Variants in AVEN observed in about 807,000 individuals in gnomAD.
AVEN encodes the protein cell death regulator Aven.
In AVEN, 41 loss-of-function variants were observed where a neutral mutation model predicts 38.1. That is an observed-to-expected ratio of 1.08 (90% CI 0.84 to 1.40). The LOEUF is 1.40. Ranked by LOEUF, AVEN falls within the 40% of genes most tolerant of loss-of-function variation. The pLI is 0.00. For missense variants in AVEN, 605 were observed against 438.8 expected (o/e 1.38, Z -3.38); for synonymous variants, 206 against 171.8 (o/e 1.20, Z -1.56).
At chr15:33,900,308 A>AT (rs59027472) in intron 2 of AVEN, among the ~76,000 whole-genome samples, 5,141 of 147,700 alleles carry the variant, frequency 0.035, 230 homozygotes, top group South Asian at 0.13. Context: ...TTGGGAGAAC[A>AT]TTTTTTTTTT....
chr15:34,053,934 C>CA (rs1247033233), intron 5 of AVEN, among the ~76,000 whole-genome samples: 1 of 152,008 alleles, frequency 6.6e-6, no homozygotes, highest in African/African-American at 2.4e-5. Flanking sequence ...ATCCATCTGA[C>CA]AAAGGGCTAA....
chr15:33,866,338 C>T lies in AVEN; in HGVS notation c.*275G>A, dbSNP rs778688554. 1 of 481,986 alleles carries T rather than the reference C, an allele frequency of 2.1e-6. No individual in the cohort carries two copies. Among genetic ancestry groups the T allele is most frequent in the Non-Finnish European group, 3.7e-6 (1 of 271,036 alleles). 29.9% of individuals were successfully genotyped at this position (481,986 alleles called of 1,614,324 possible). On this transcript the variant is annotated 3_prime_UTR_variant, in exon 6 of 6. Coordinates refer to ENST00000306730, the MANE Select transcript of AVEN (RefSeq NM_020371.3). Reference sequence around the variant, plus strand: ...GTAAACACTGGCTATGTTGTAAACACTGCAAGGAAGGAGGCTAGAAACAAG... The same window carrying T: ...GTAAACACTGGCTATGTTGTAAACATTGCAAGGAAGGAGGCTAGAAACAAG...
chr15:34,010,615 C>T (rs1024505132), intron 1 of AVEN, among the ~76,000 whole-genome samples: 3 of 152,062 alleles, frequency 2.0e-5, no homozygotes, highest in African/African-American at 7.2e-5. Context: ...CTATGTTCCT[C>T]ACAAAAGGTA....
At chr15:33,863,589 C>G (rs552402429), downstream of AVEN, among the ~76,000 whole-genome samples, 5 of 152,276 alleles carry the variant, frequency 3.3e-5, no homozygotes, top group South Asian at 4.1e-4. Context: ...CAGACAAACT[C>G]AAACCTAAGA....
chr15:33,852,461 C>A, the AVEN span: 1 of 154,300 alleles, frequency 6.5e-6, no homozygotes, highest in African/African-American at 2.4e-5. Context: ...AGGGATCCAA[C>A]TCCTGGAGGA....
downstream of AVEN, among the ~76,000 whole-genome samples, chr15:33,855,573 A>G (rs1567335058): frequency 6.6e-6 from 1 of 151,686 alleles, no homozygotes. Context: ...GCAAGTAGAC[A>G]TACTGTACAC....
At chr15:34,023,048 G>C (rs145021493) in intron 1 of AVEN, among the ~76,000 whole-genome samples, 3 of 152,162 alleles carry the variant, frequency 2.0e-5, no homozygotes, top group Non-Finnish European at 4.4e-5. Flanking sequence ...TTAGCCTGGC[G>C]TGGTGGTGTG....
At chr15:33,854,259 CAACTTGATA>C, downstream of AVEN, 3 of 695,934 alleles carry the variant, frequency 4.3e-6, no homozygotes, top group South Asian at 5.3e-5. Context: ...GGAGCACATA[CAACTTGATA>C]AAGCTGAGAG....
chr15:34,039,431 A>T (rs1292843280), upstream of AVEN, among the ~76,000 whole-genome samples: 2 of 152,152 alleles, frequency 1.3e-5, no homozygotes, highest in Admixed American at 1.3e-4. Flanking sequence ...GTTTAAACGT[A>T]TGTATTTGCA....
chr15:34,015,666 C>T (rs1834598897), intron 1 of AVEN, among the ~76,000 whole-genome samples: 3 of 151,792 alleles, frequency 2.0e-5, no homozygotes, highest in Non-Finnish European at 2.9e-5. Flanking sequence ...AACAGCAACA[C>T]ATGAGGGAAA....
Position 33,982,959 on chromosome 15 carries a change from T to C in AVEN, c.445+20073A>G, listed in dbSNP as rs1896218908. Among the ~76,000 whole-genome samples, 3 of 151,822 alleles carry C rather than the reference T, an allele frequency of 2.0e-5. No individual in the cohort carries two copies. The South Asian group carries it at 6.3e-4, about 32-fold the overall frequency. The stretch of plus-strand genomic sequence containing the variant: ...ACATGCCTCCTTCCTACCCATCAAC[T>C]CCTGTTGGGATAATTTTTGAAAGAC... On this transcript the variant is annotated intron_variant, in intron 2 of 5. Coordinates refer to ENST00000306730, the MANE Select transcript of AVEN (RefSeq NM_020371.3).
intron 2 of AVEN, among the ~76,000 whole-genome samples, chr15:33,877,971 T>C (rs1003499081): frequency 4.0e-5 from 6 of 151,538 alleles, no homozygotes; most frequent in Non-Finnish European, 5.9e-5. Context: ...AATAAATAAA[T>C]AAAACAAAAT....
chr15:33,949,446 T>C (rs1055577966), intron 2 of AVEN, among the ~76,000 whole-genome samples: 1 of 152,226 alleles, frequency 6.6e-6, no homozygotes, highest in Non-Finnish European at 1.5e-5. Context: ...TTTGAGGTGA[T>C]GGATATCCTA....
At chr15:33,923,581 C>T (rs1431907825) in intron 2 of AVEN, among the ~76,000 whole-genome samples, 1 of 152,126 alleles carries the variant, frequency 6.6e-6, no homozygotes, top group Non-Finnish European at 1.5e-5. Context: ...GGCAATCAGT[C>T]AATAAGTAAA....
intron 2 of AVEN, among the ~76,000 whole-genome samples, chr15:33,913,202 A>T (rs1029157616): frequency 1.3e-5 from 2 of 152,230 alleles, no homozygotes; most frequent in East Asian, 1.9e-4. Context: ...ATAATTTTTT[A>T]AAAAAAGAAT....
intron 2 of AVEN, among the ~76,000 whole-genome samples, chr15:33,956,572 G>A (rs954356955): frequency 2.0e-5 from 3 of 152,088 alleles, no homozygotes; most frequent in African/African-American, 7.2e-5. Context: ...TCTCTGTAAT[G>A]AGTCACCATC....
intron 2 of AVEN, among the ~76,000 whole-genome samples, chr15:33,942,436 G>C (rs1324637993): frequency 6.6e-6 from 1 of 151,884 alleles, no homozygotes; most frequent in East Asian, 1.9e-4. Flanking sequence ...GCTTTGAGAG[G>C]AAGTTTTTTA....
intron 4 of AVEN, among the ~76,000 whole-genome samples, chr15:33,870,303 AC>A (rs576682380): frequency 4.9e-4 from 75 of 151,728 alleles, no homozygotes; most frequent in Non-Finnish European, 8.4e-4. Flanking sequence ...ATGCAGACTT[AC>A]CCCCACACAT....
chr15:33,983,170 G>GTGTATATA (rs796742277), intron 2 of AVEN, among the ~76,000 whole-genome samples: 3 of 126,486 alleles, frequency 2.4e-5, no homozygotes, highest in South Asian at 2.6e-4. Flanking sequence ...ATGTGTGTGT[G>GTGTATATA]TATATATACA....
Sources: gnomAD v4.1 joint callset for allele counts (sites outside exome capture counted in the v4.1 genomes callset) on GRCh38, gnomAD v4.1.1 for gene constraint, MANE v1.5 for transcripts, NCBI Gene and HGNC (gene_info 2026-07-23, HGNC 2026-07-21) for gene names.